Variants in CDH8 observed in about 807,000 individuals in gnomAD.
The protein encoded by CDH8 is cadherin-8.
A neutral mutation model predicts 68.1 loss-of-function variants in CDH8; 17 were observed. The ratio of observed to expected loss-of-function variants is 0.25; its 90% CI spans 0.17 to 0.37. The LOEUF is 0.37. Ranked by LOEUF, CDH8 falls within the 10% of genes least tolerant of loss-of-function variation. The pLI, the probability that CDH8 is intolerant of heterozygous loss-of-function variation, is 1.00. For synonymous variants in CDH8, 372 were observed against 365.1 expected (o/e 1.02, Z -0.21); for missense variants, 763 against 999.3 (o/e 0.76, Z 3.19).
chr16:61,765,734 A>G (rs1960574076), intron 8 of CDH8, among the ~76,000 whole-genome samples: 1 of 151,984 alleles, frequency 6.6e-6, no homozygotes, highest in Admixed American at 6.6e-5. Context: ...AAATTTTTCA[A>G]ATTAGTTGCT....
At chr16:62,010,508 C>T (rs1468829403) in intron 2 of CDH8, among the ~76,000 whole-genome samples, 6 of 152,124 alleles carry the variant, frequency 3.9e-5, no homozygotes, top group East Asian at 1.9e-4. Flanking sequence ...GACTTTCTCC[C>T]GATCTGGTAA....
intron 2 of CDH8, among the ~76,000 whole-genome samples, chr16:61,944,216 A>C (rs944967732): frequency 6.6e-6 from 1 of 152,208 alleles, no homozygotes; most frequent in Non-Finnish European, 1.5e-5. Flanking sequence ...TTCTTGGCAC[A>C]TGAGTGCCCC....
intron 10 of CDH8, among the ~76,000 whole-genome samples, chr16:61,700,988 A>G (rs1964418676): frequency 1.3e-5 from 2 of 152,246 alleles, no homozygotes; most frequent in African/African-American, 4.8e-5. Flanking sequence ...CATATCAAAA[A>G]TATTAGATTG....
chr16:61,934,233 A>G (rs1260026019), intron 2 of CDH8: 1 of 152,138 alleles, frequency 6.6e-6, no homozygotes, highest in Non-Finnish European at 1.5e-5. Flanking sequence ...GGTAAGTAGC[A>G]ATATGTTTCA....
intron 2 of CDH8, among the ~76,000 whole-genome samples, chr16:61,990,223 G>T (rs181793399): frequency 7.7e-4 from 117 of 151,492 alleles, no homozygotes; most frequent in African/African-American, 2.7e-3. Context: ...ATTAGAGAAA[G>T]GGCCTCTAAG....
rs1292390517 is a variant in CDH8 at position 61,806,923 on chromosome 16, A to G, written c.1277+10556T>C. Among the ~76,000 whole-genome samples, 476 of 90,214 alleles carry G rather than the reference A, an allele frequency of 5.3e-3. 2 individuals carry two copies. Among genetic ancestry groups the G allele is most frequent in the Non-Finnish European group, 8.8e-3 (398 of 45,484 alleles). 59.2% of individuals were successfully genotyped at this position (90,214 alleles called of 152,430 possible). Reference sequence around the variant, plus strand: ...GTGGAAGTCAGTGTGGCGATTCCTCAGGGATCTAGAACTAGAAATACCATT... The same window carrying G: ...GTGGAAGTCAGTGTGGCGATTCCTCGGGGATCTAGAACTAGAAATACCATT... On this transcript the variant is annotated intron_variant, in intron 7 of 11. Transcript: ENST00000577390.
intron 6 of CDH8, chr16:61,818,147 T>C (rs1204750755): frequency 6.2e-6 from 1 of 162,260 alleles, no homozygotes; most frequent in African/African-American, 2.4e-5. Flanking sequence ...AAGAATATTT[T>C]ATCATTTCTG....
intron 10 of CDH8, among the ~76,000 whole-genome samples, chr16:61,697,956 T>G (rs1964358873): frequency 6.6e-6 from 1 of 152,210 alleles, no homozygotes; most frequent in Non-Finnish European, 1.5e-5. Context: ...GACAAGCCAT[T>G]TAAACACTAG....
At chr16:62,026,257 G>A (rs1254100768) in intron 1 of CDH8, among the ~76,000 whole-genome samples, 2 of 152,172 alleles carry the variant, frequency 1.3e-5, no homozygotes, top group Admixed American at 6.5e-5. Flanking sequence ...CTGTAGTGGG[G>A]TGCTTCTCAA....
chr16:61,843,936 G>A (rs1319136818), intron 4 of CDH8, among the ~76,000 whole-genome samples: 1 of 152,084 alleles, frequency 6.6e-6, no homozygotes, highest in Admixed American at 6.6e-5. Flanking sequence ...TAACTGGTGT[G>A]AGATGGTATC....
chr16:61,953,928 A>ATAT (rs1964941106), intron 2 of CDH8, among the ~76,000 whole-genome samples: 1 of 123,842 alleles, frequency 8.1e-6, no homozygotes, highest in Admixed American at 7.7e-5. Context: ...TATATATATA[A>ATAT]AATACCTTAA....
At chr16:61,844,378 T>C (rs1324517466) in intron 4 of CDH8, among the ~76,000 whole-genome samples, 1 of 151,850 alleles carries the variant, frequency 6.6e-6, no homozygotes. Flanking sequence ...CATGTATACA[T>C]ATGTAACAAA....
chr16:61,861,875 C>T (rs1275452654), intron 3 of CDH8, among the ~76,000 whole-genome samples: 5 of 152,078 alleles, frequency 3.3e-5, no homozygotes, highest in South Asian at 2.1e-4. Context: ...ATTGACACTA[C>T]GAGCTTACTG....
intron 8 of CDH8, among the ~76,000 whole-genome samples, chr16:61,751,802 T>G (rs961896489): frequency 6.6e-6 from 1 of 152,144 alleles, no homozygotes; most frequent in Non-Finnish European, 1.5e-5. Flanking sequence ...AGTTCAAATA[T>G]TTGAAGATGT....
chr16:61,745,140 T>C (rs2142933535), intron 8 of CDH8, among the ~76,000 whole-genome samples: 1 of 151,846 alleles, frequency 6.6e-6, no homozygotes, highest in South Asian at 2.1e-4. Flanking sequence ...TTGAAGGCTC[T>C]TTTCTCTTGA....
At chr16:61,703,865 T>C (rs1350198550) in intron 10 of CDH8, among the ~76,000 whole-genome samples, 3 of 152,104 alleles carry the variant, frequency 2.0e-5, no homozygotes, top group Non-Finnish European at 2.9e-5. Context: ...GTATTACTGA[T>C]ATATATTATA....
At chr16:61,984,978 T>C (rs1246615115) in intron 2 of CDH8, among the ~76,000 whole-genome samples, 1 of 152,210 alleles carries the variant, frequency 6.6e-6, no homozygotes, top group Non-Finnish European at 1.5e-5. Flanking sequence ...CATGGTCTTT[T>C]TGGGGCCTTT....
At chr16:61,798,877 T>C (rs761986471) in intron 7 of CDH8, among the ~76,000 whole-genome samples, 1 of 152,244 alleles carries the variant, frequency 6.6e-6, no homozygotes, top group Non-Finnish European at 1.5e-5. Flanking sequence ...TATGTAATTA[T>C]TCAAGTACAA....
intron 2 of CDH8, among the ~76,000 whole-genome samples, chr16:61,950,183 G>A (rs1204198419): frequency 6.6e-6 from 1 of 152,066 alleles, no homozygotes; most frequent in Non-Finnish European, 1.5e-5. Context: ...ATACTCCCTG[G>A]TAAGTGATAC....
Sources: allele counts gnomAD v4.1 joint callset (sites outside exome capture counted in the v4.1 genomes callset), GRCh38; gene constraint gnomAD v4.1.1; transcripts MANE v1.5; gene names NCBI Gene and HGNC (gene_info 2026-07-23, HGNC 2026-07-21).